Variants in GPR155 observed in about 807,000 individuals in gnomAD.
GPR155 encodes the protein lysosomal cholesterol signaling protein.
A neutral mutation model predicts 93.1 loss-of-function variants in GPR155; 65 were observed. That is an observed-to-expected ratio of 0.70 (90% CI 0.57 to 0.86). The LOEUF (loss-of-function observed/expected upper bound fraction) is 0.86. Among genes scored for constraint, GPR155 ranks in the 40% least tolerant of loss-of-function variants. The pLI, the probability that GPR155 is intolerant of heterozygous loss-of-function variation, is 0.00. For synonymous variants in GPR155, 319 were observed against 360.1 expected (o/e 0.89, Z 1.29); for missense variants, 838 against 1,034.8 (o/e 0.81, Z 2.61).
intron 1 of GPR155, among the ~76,000 whole-genome samples, chr2:174,484,463 C>A (rs1274340682): frequency 6.6e-6 from 1 of 152,234 alleles, no homozygotes; most frequent in Non-Finnish European, 1.5e-5. Context: ...TAAGCCCTTA[C>A]TTGTACAACA....
intron 6 of GPR155, 37 bp from the exon 7 acceptor site, chr2:174,465,939 T>A: frequency 1.0e-6 from 1 of 966,712 alleles, no homozygotes; most frequent in Non-Finnish European, 1.6e-6. Context: ...TGTAAATAGC[T>A]AAGAAAACCA....
intron 12 of GPR155, 102 bp downstream of exon 12, chr2:174,446,509 C>T: frequency 9.2e-7 from 1 of 1,082,642 alleles, no homozygotes; most frequent in South Asian, 1.5e-5. Context: ...AGCTACCACA[C>T]TTCTGGAAAG....
chr2:174,437,661 C>T (rs1454738843), intron 15 of GPR155, among the ~76,000 whole-genome samples: 2 of 150,704 alleles, frequency 1.3e-5, no homozygotes, highest in Non-Finnish European at 2.9e-5. Flanking sequence ...CAGCTTACCC[C>T]ACAACCTCCG....
chr2:174,448,883 C>T (rs1221355551), intron 11 of GPR155, among the ~76,000 whole-genome samples: 1 of 152,120 alleles, frequency 6.6e-6, no homozygotes. Flanking sequence ...CAAAAATTGA[C>T]AAGTGGGACC....
At chr2:174,438,527 G>C (rs1686857931) in intron 15 of GPR155, among the ~76,000 whole-genome samples, 1 of 152,088 alleles carries the variant, frequency 6.6e-6, no homozygotes, top group African/African-American at 2.4e-5. Flanking sequence ...GTTTGTTTTT[G>C]AGACAGAGTC....
chr2:174,440,922 A>G (rs1686939752), intron 14 of GPR155, among the ~76,000 whole-genome samples: 1 of 152,236 alleles, frequency 6.6e-6, no homozygotes, highest in South Asian at 2.1e-4. Context: ...TGATAAAAAG[A>G]GAAATTGTGT....
chr2:174,469,127 T>C, intron 4 of GPR155, 60 bp from the exon 5 acceptor site: 4 of 1,444,486 alleles, frequency 2.8e-6, no homozygotes, highest in Non-Finnish European at 3.9e-6. Context: ...TTTTAAACTT[T>C]AAATAACCAC....
At chr2:174,461,700 C>G in intron 7 of GPR155, 28 bp from the exon 8 acceptor site, 1 of 1,235,472 alleles carries the variant, frequency 8.1e-7, no homozygotes, top group Non-Finnish European at 1.2e-6. Flanking sequence ...GAAAGAGAGA[C>G]AGTTACTCAA....
intron 2 of GPR155, among the ~76,000 whole-genome samples, chr2:174,473,835 AG>A (rs1438863033): frequency 6.6e-6 from 1 of 152,250 alleles, no homozygotes; most frequent in Non-Finnish European, 1.5e-5. Flanking sequence ...GGAACTAAAA[AG>A]GAGCACGGAT....
At chr2:174,445,246 G>C in intron 12 of GPR155, 70 bp from the exon 13 acceptor site, 1 of 746,806 alleles carries the variant, frequency 1.3e-6, no homozygotes, top group Non-Finnish European at 2.3e-6. Context: ...CCACAGCATA[G>C]TACAATAACT....
chr2:174,456,134 G>A (rs12612779), intron 10 of GPR155, among the ~76,000 whole-genome samples: 39,269 of 151,878 alleles, frequency 0.26, 5,900 homozygotes, highest in Middle Eastern at 0.54. Flanking sequence ...GAGCCACCAC[G>A]CCTGGCTGAG....
intron 1 of GPR155, among the ~76,000 whole-genome samples, chr2:174,482,600 G>A (rs995260988): frequency 1.3e-5 from 2 of 152,182 alleles, no homozygotes; most frequent in African/African-American, 4.8e-5. Flanking sequence ...CCAGGCTGGA[G>A]TGCAGTGGTG....
rs1482754762 is a variant in GPR155 at position 174,472,966 on chromosome 2, G to A, written c.859C>T (p.Leu287Phe). ...VVLILLITAKLLVLPLLCREM... is the reference protein window; with the variant it reads ...VVLILLITAKFLVLPLLCREM... ...TCAAGTTAAATAAGTGATGCTTACA[G>A]TTTAGCTGTGATGAGAAGAATTAGT... is the stretch of plus-strand genomic sequence containing the variant. Residue 287 changes from leucine (L) to phenylalanine (F), a missense_variant and splice_region_variant, in exon 3 of 16, where the codon CTT becomes TTT. Coordinates refer to ENST00000392552, the MANE Select transcript of GPR155 (RefSeq NM_152529.7). 1.3e-6 allele frequency: 2 copies of A among 1,580,470 alleles called. No homozygotes were observed. The highest frequency in any genetic ancestry group is 2.8e-5 in the African/African-American group (2 of 72,482).
intron 1 of GPR155, among the ~76,000 whole-genome samples, chr2:174,485,422 C>T (rs1574746938): frequency 6.6e-6 from 1 of 151,950 alleles, no homozygotes; most frequent in Admixed American, 6.5e-5. Context: ...CATGGTGAAA[C>T]CCTGTCTCTA....
In GPR155 at chr2:174,481,867, G is replaced by C. The variant is rs748797722; in HGVS notation, c.90C>G (p.Ser30=). 5.6e-6 allele frequency: 9 copies of C among 1,613,912 alleles called. No individual in the cohort carries two copies. The highest frequency in any genetic ancestry group is 5.9e-6 in the Non-Finnish European group (7 of 1,179,932). ...TTGACATTGAAGGTGGGTCATTAGT[G>C]GAATTAAATCCATGCGTTACTGCTG... ...LPTAVTHGFN[S]TNDPPSMSIT... The change falls in exon 2 of 16, where the codon TCC becomes TCG. Residue 30 remains serine (S), a synonymous_variant. Coordinates refer to ENST00000392552, the MANE Select transcript of GPR155 (RefSeq NM_152529.7).
At chr2:174,451,657 A>G (rs1293459368) in intron 11 of GPR155, among the ~76,000 whole-genome samples, 2 of 152,166 alleles carry the variant, frequency 1.3e-5, no homozygotes, top group South Asian at 2.1e-4. Flanking sequence ...TCAATGATCA[A>G]CTTTTTGTTT....
chr2:174,440,507 G>T (rs560885842), intron 14 of GPR155, among the ~76,000 whole-genome samples: 2 of 151,986 alleles, frequency 1.3e-5, no homozygotes, highest in South Asian at 4.1e-4. Context: ...CATTAGAATC[G>T]TTGATTATTT....
At chr2:174,472,243 T>C (rs1435607302) in intron 3 of GPR155, among the ~76,000 whole-genome samples, 1 of 152,102 alleles carries the variant, frequency 6.6e-6, no homozygotes, top group South Asian at 2.1e-4. Flanking sequence ...CCGTCTCTAC[T>C]AAAAATATAA....
intron 2 of GPR155, among the ~76,000 whole-genome samples, chr2:174,479,579 C>T (rs1688262109): frequency 6.6e-6 from 1 of 152,130 alleles, no homozygotes; most frequent in African/African-American, 2.4e-5. Context: ...TAAGAAAGTA[C>T]TCTGTAAACT....
Sources: gnomAD v4.1 joint callset for allele counts (sites outside exome capture counted in the v4.1 genomes callset) on GRCh38, gnomAD v4.1.1 for gene constraint, MANE v1.5 for transcripts, NCBI Gene and HGNC (gene_info 2026-07-23, HGNC 2026-07-21) for gene names.